The following KAZN variants were observed in gnomAD, a reference collection of about 807,000 sequenced individuals.
KAZN encodes the protein kazrin.
In KAZN, 40 loss-of-function variants were observed where a neutral mutation model predicts 87.4. That is an observed-to-expected ratio of 0.46 (90% confidence interval 0.36 to 0.60). KAZN has a LOEUF of 0.60. Among genes scored for constraint, KAZN ranks in the 20% least tolerant of loss-of-function variants. The probability of loss-of-function intolerance (pLI) is 0.00; values close to 1 mark genes in which losing one functional copy is unlikely to be tolerated. For missense variants in KAZN, 898 were observed against 1,073.9 expected (o/e 0.84, Z 2.29); for synonymous variants, 466 against 458.3 (o/e 1.02, Z -0.22).
At chr1:14,624,434 A>C (rs564105261) in intron 1 of KAZN, among the ~76,000 whole-genome samples, 145 of 145,920 alleles carry the variant, frequency 9.9e-4, no homozygotes, top group East Asian at 1.7e-3. Flanking sequence ...GAAAAAAAAA[A>C]AACAACAAAA....
At position 14,035,318 on chromosome 1, in the gene KAZN, AC is replaced by A. The variant is rs576519252; in HGVS notation, c.91+141563del. Among the ~76,000 whole-genome samples the A allele has an allele frequency of 2.0e-5, 3 of 152,274 alleles. No homozygotes were observed. In the South Asian group the frequency reaches 6.2e-4, roughly 32 times the overall value. On this transcript the variant is annotated intron_variant, in intron 1 of 16. Transcript: ENST00000636203. Reference sequence around the variant, plus strand: ...GTGGTGAAGGCTCCAGTTTTATAAAACAGGAAATAACAGTGTTCCTAGATGG... The same window carrying A: ...GTGGTGAAGGCTCCAGTTTTATAAAAAGGAAATAACAGTGTTCCTAGATGG...
At chr1:14,913,850 G>A (rs996180744) in intron 1 of KAZN, among the ~76,000 whole-genome samples, 2 of 152,372 alleles carry the variant, frequency 1.3e-5, no homozygotes, top group South Asian at 2.1e-4. Context: ...AGCCGCAGGC[G>A]TGTGCAGACA....
intron 1 of KAZN, among the ~76,000 whole-genome samples, chr1:14,046,863 T>C (rs935143969): frequency 1.3e-5 from 2 of 152,192 alleles, no homozygotes; most frequent in African/African-American, 4.8e-5. Flanking sequence ...GAACAAACAT[T>C]ACCCAAGGAA....
intron 2 of KAZN, among the ~76,000 whole-genome samples, chr1:14,341,200 C>T (rs548074186): frequency 8.5e-5 from 13 of 152,156 alleles, no homozygotes; most frequent in South Asian, 8.3e-4. Flanking sequence ...AGCTGATTTT[C>T]CTTATTTTTT....
intron 1 of KAZN, among the ~76,000 whole-genome samples, chr1:14,898,737 A>T (rs1655534103): frequency 6.6e-6 from 1 of 152,144 alleles, no homozygotes; most frequent in African/African-American, 2.4e-5. Flanking sequence ...GGCACAGCTT[A>T]CAGAACAGTC....
intron 8 of KAZN, among the ~76,000 whole-genome samples, chr1:15,091,821 T>C (rs1028912520): frequency 6.6e-6 from 1 of 152,174 alleles, no homozygotes; most frequent in Non-Finnish European, 1.5e-5. Context: ...ATTACAAAAC[T>C]ATACATGTTT....
intron 2 of KAZN, among the ~76,000 whole-genome samples, chr1:14,976,155 A>G (rs1572963057): frequency 1.3e-5 from 2 of 151,758 alleles, no homozygotes; most frequent in Non-Finnish European, 2.9e-5. Context: ...CGTGGCTAAC[A>G]GTTTTTTATT....
chr1:14,373,851 T>A (rs917290665), intron 2 of KAZN, among the ~76,000 whole-genome samples: 1 of 151,808 alleles, frequency 6.6e-6, no homozygotes, highest in Admixed American at 6.6e-5. Context: ...GCCTCTTCAC[T>A]AAGTAAGATG....
At chr1:13,967,397 C>T (rs983937273) in intron 1 of KAZN, among the ~76,000 whole-genome samples, 1 of 152,170 alleles carries the variant, frequency 6.6e-6, no homozygotes, top group Non-Finnish European at 1.5e-5. Context: ...AATCTCCCCA[C>T]CCTTCCCCAA....
chr1:14,201,009 T>C (rs2100405440), intron 2 of KAZN, among the ~76,000 whole-genome samples: 2 of 152,350 alleles, frequency 1.3e-5, no homozygotes, highest in South Asian at 4.1e-4. Flanking sequence ...TTTCCTTTGA[T>C]TGGCGCATGG....
intron 1 of KAZN, among the ~76,000 whole-genome samples, chr1:14,087,782 T>A (rs1014249997): frequency 1.3e-5 from 2 of 152,036 alleles, no homozygotes; most frequent in Admixed American, 6.6e-5. Context: ...TAAGCCAGTA[T>A]TACAATTTTG....
intron 1 of KAZN, among the ~76,000 whole-genome samples, chr1:14,054,934 C>G (rs1642487687): frequency 6.6e-6 from 1 of 152,166 alleles, no homozygotes. Context: ...GTCTCGACCT[C>G]AGCTCCATTG....
chr1:14,099,509 C>A (rs76489512), intron 1 of KAZN, among the ~76,000 whole-genome samples: 7,691 of 152,166 alleles, frequency 0.051, 591 homozygotes, highest in African/African-American at 0.17. Flanking sequence ...AGACGAAAGC[C>A]TGCCTGCTAC....
In KAZN at chr1:14,949,964, G is replaced by A. The variant is rs377056458; in HGVS notation, c.227-10720G>A. Among the ~76,000 whole-genome samples, 55 of 152,154 alleles carry A rather than the reference G, an allele frequency of 3.6e-4. No homozygotes were observed. In the East Asian group the frequency reaches 7.0e-3, roughly 19 times the overall value. On this transcript the variant is annotated intron_variant, in intron 1 of 14. Transcript: ENST00000376030. The surrounding 1 kb of genome is among the most constrained non-coding windows in gnomAD (Gnocchi z 4.3). ...GCTAAAGGTGTGTTTACAGGCCAGCGGCTTCACCGGAAGAGCCTCTGCACG... is the reference window on the plus strand; with the variant it reads ...GCTAAAGGTGTGTTTACAGGCCAGCAGCTTCACCGGAAGAGCCTCTGCACG...
rs1641819812 is a variant in KAZN at position 15,115,698 on chromosome 1, T to A, written c.*1063T>A. 6.6e-6 allele frequency: 1 copy of A among 152,132 alleles called. No individual in the cohort carries two copies. The highest frequency in any genetic ancestry group is 6.5e-5 in the Admixed American group (1 of 15,284). The allele number at this position is 152,132 out of a possible 1,614,324, so 9.4% of individuals were successfully genotyped here. A position where few individuals can be genotyped will look rare whatever the true frequency, so the allele number is the denominator to read the frequency against. ...TATTGGTGGGGAGAACCCCAGCCCT[T>A]TTCTTGACCTGCCACTGTTATGCTG... On this transcript the variant is annotated 3_prime_UTR_variant, in exon 15 of 15. Transcript: ENST00000376030. This position sits in a 1 kb window ranked among gnomAD's most constrained non-coding sequence, Gnocchi z 4.1.
chr1:14,560,939 T>C (rs1199091756), intron 2 of KAZN, among the ~76,000 whole-genome samples: 1 of 152,184 alleles, frequency 6.6e-6, no homozygotes, highest in Non-Finnish European at 1.5e-5. Flanking sequence ...TTCTGGCTAA[T>C]GGCATACTAT....
intron 2 of KAZN, among the ~76,000 whole-genome samples, chr1:14,303,149 T>G (rs1654677524): frequency 6.6e-6 from 1 of 152,160 alleles, no homozygotes; most frequent in African/African-American, 2.4e-5. Flanking sequence ...GAAGTAGACG[T>G]CGGTGTTTCA....
intron 1 of KAZN, among the ~76,000 whole-genome samples, chr1:14,859,675 C>T (rs1299256854): frequency 1.3e-5 from 2 of 152,130 alleles, no homozygotes; most frequent in African/African-American, 4.8e-5. Context: ...TATCAAAAGC[C>T]CTTATCTGTC....
chr1:14,268,914 G>A (rs1046439219), intron 2 of KAZN, among the ~76,000 whole-genome samples: 1 of 152,246 alleles, frequency 6.6e-6, no homozygotes, highest in African/African-American at 2.4e-5. Context: ...TCCAGGATAA[G>A]TCTATCTCTC....
Sources: gnomAD v4.1 joint callset for allele counts (sites outside exome capture counted in the v4.1 genomes callset) on GRCh38, gnomAD v4.1.1 for gene constraint, Gnocchi (gnomAD v3.1) non-coding constraint, MANE v1.5 for transcripts, NCBI Gene and HGNC (gene_info 2026-07-23, HGNC 2026-07-21) for gene names.